DZANK1: variants seen among roughly 807,000 people sequenced by gnomAD.
DZANK1 encodes the protein double zinc ribbon and ankyrin repeat-containing protein 1.
In DZANK1, 91 loss-of-function variants were observed where a neutral mutation model predicts 94.5. The observed-to-expected ratio is 0.96, with a 90% confidence interval of 0.81 to 1.15. The LOEUF (loss-of-function observed/expected upper bound fraction) is 1.15. Ranked by LOEUF, DZANK1 falls within the 50% of genes most tolerant of loss-of-function variation. DZANK1 has a pLI of 0.00. For synonymous variants in DZANK1, 312 were observed against 325.3 expected, an observed-to-expected ratio of 0.96 and a Z score of 0.44; for missense variants, 903 against 916.4, an observed-to-expected ratio of 0.99 and a Z score of 0.19.
Position 18,412,499 on chromosome 20 carries a change from C to T in DZANK1, c.1432+147G>A, listed in dbSNP as rs142233081. On this transcript the variant is annotated intron_variant, in intron 13 of 20. Coordinates refer to ENST00000262547, the Ensembl canonical transcript of DZANK1. Reference sequence around the variant, plus strand: ...ACAGGAAGAGCTTCTTTTTCCAATACAAAGAAAATTACTTGAAAAAGAGGA... The same window carrying T: ...ACAGGAAGAGCTTCTTTTTCCAATATAAAGAAAATTACTTGAAAAAGAGGA... 1.6e-5 allele frequency: 14 copies of T among 852,890 alleles called. No individual in the cohort carries two copies. The East Asian group carries it at 3.2e-4, about 20-fold the overall frequency. 52.8% of individuals were successfully genotyped at this position (852,890 alleles called of 1,614,324 possible). A position where few individuals can be genotyped will look rare whatever the true frequency, so the allele number is the denominator to read the frequency against.
chr20:18,423,624 C>T (rs1364907694), intron 10 of DZANK1, among the ~76,000 whole-genome samples: 2 of 152,116 alleles, frequency 1.3e-5, no homozygotes, highest in African/African-American at 2.4e-5. Flanking sequence ...ACAGAGTGTG[C>T]TCTCTGACCA....
At chr20:18,404,130 T>G (rs2056833740) in intron 13 of DZANK1, among the ~76,000 whole-genome samples, 1 of 152,128 alleles carries the variant, frequency 6.6e-6, no homozygotes, top group South Asian at 2.1e-4. Flanking sequence ...TGAGATTTTT[T>G]TTTTTTTAGC....
At chr20:18,389,936 TA>T (rs1489012732) in intron 18 of DZANK1, 108 bp from the exon 19 acceptor site, 1 of 1,497,150 alleles carries the variant, frequency 6.7e-7, no homozygotes, top group African/African-American at 1.4e-5. Flanking sequence ...CTGATGCAAC[TA>T]AAGTGCTTTC....
At chr20:18,427,606 G>GGTGTGTGTGTGTGTGTGT (rs11474236) in intron 9 of DZANK1, among the ~76,000 whole-genome samples, 9 of 148,692 alleles carry the variant, frequency 6.1e-5, no homozygotes, top group Admixed American at 1.3e-4. Flanking sequence ...TGTAAGGTTG[G>GGTGTGTGTGTGTGTGTGT]GTGTGTGTGT....
intron 6 of DZANK1, among the ~76,000 whole-genome samples, chr20:18,450,059 T>G (rs937404849): frequency 4.6e-5 from 7 of 151,038 alleles, no homozygotes; most frequent in Admixed American, 3.3e-4. Flanking sequence ...GCCTGGGCAA[T>G]AGAGTGAAAC....
rs1015212903 is a variant in DZANK1 at position 18,393,691 on chromosome 20, G to A, written c.1809+20C>T. The A allele has an allele frequency of 1.3e-6, 2 of 1,510,018 alleles. No individual in the cohort carries two copies. The highest frequency in any genetic ancestry group is 1.2e-5 in the South Asian group (1 of 85,894). The allele number at this position is 1,510,018 out of a possible 1,614,324, so 93.5% of individuals were successfully genotyped here. On this transcript the variant is annotated intron_variant, in intron 17 of 20. Coordinates refer to ENST00000262547, the Ensembl canonical transcript of DZANK1. ...ACAGGCTGAAGACAACATCCACAAG[G>A]ACCAAAAAAAGACACTTACTATAAG...
intron 12 of DZANK1, chr20:18,413,293 A>G (rs2057341590): frequency 5.6e-6 from 1 of 178,934 alleles, no homozygotes. Flanking sequence ...TCAAAGTAGT[A>G]CCATTCATAT....
At chr20:18,462,716 C>T (rs2059511262) in intron 2 of DZANK1, among the ~76,000 whole-genome samples, 1 of 152,008 alleles carries the variant, frequency 6.6e-6, no homozygotes, top group Admixed American at 6.6e-5. Flanking sequence ...AGAGTTGAGG[C>T]CGGGCGCGGT....
chr20:18,435,047 G>C (rs1199256489), intron 8 of DZANK1, among the ~76,000 whole-genome samples: 1 of 152,142 alleles, frequency 6.6e-6, no homozygotes, highest in Non-Finnish European at 1.5e-5. Context: ...ACCAGAGTAG[G>C]CCCAAGCCAC....
At chr20:18,429,779 G>A (rs912904171) in intron 9 of DZANK1, among the ~76,000 whole-genome samples, 6 of 152,154 alleles carry the variant, frequency 3.9e-5, no homozygotes, top group Non-Finnish European at 7.4e-5. Context: ...TTTATTTGTG[G>A]AGACTTTTGA....
intron 6 of DZANK1, among the ~76,000 whole-genome samples, chr20:18,449,876 C>T (rs1169002800): frequency 1.3e-5 from 2 of 151,530 alleles, no homozygotes; most frequent in African/African-American, 2.4e-5. Flanking sequence ...GTCGGGAGTT[C>T]GAGACCAGCC....
At chr20:18,405,462 T>C (rs923265108) in intron 13 of DZANK1, among the ~76,000 whole-genome samples, 14 of 152,136 alleles carry the variant, frequency 9.2e-5, no homozygotes, top group African/African-American at 3.4e-4. Flanking sequence ...AAGAGACCCA[T>C]TGGAAGCTAT....
At chr20:18,434,493 C>T (rs905795194) in intron 8 of DZANK1, among the ~76,000 whole-genome samples, 2 of 144,220 alleles carry the variant, frequency 1.4e-5, no homozygotes, top group Non-Finnish European at 3.0e-5. Flanking sequence ...TGTAGTGAGC[C>T]GAGATCGCCT....
rs575720637 is a variant in DZANK1 at position 18,461,152 on chromosome 20, A to G, written c.110-846T>C. Among the ~76,000 whole-genome samples, 6 of 152,336 alleles carry G rather than the reference A, an allele frequency of 3.9e-5. No individual in the cohort carries two copies. In the East Asian group the frequency reaches 7.7e-4, roughly 20 times the overall value. On this transcript the variant is annotated intron_variant, in intron 2 of 20. Coordinates refer to ENST00000262547, the Ensembl canonical transcript of DZANK1. ...CCAACCCACGACACCAGCTTCCCAG[A>G]GGTTATCAATGGTATCTTCAGTAAC...
At chr20:18,449,695 T>C (rs2059022464) in intron 6 of DZANK1, among the ~76,000 whole-genome samples, 1 of 147,108 alleles carries the variant, frequency 6.8e-6, no homozygotes, top group Non-Finnish European at 1.5e-5. Flanking sequence ...GAGGTGGAAG[T>C]TGTGGTGAGC....
intron 2 of DZANK1, among the ~76,000 whole-genome samples, chr20:18,460,654 G>A (rs535805326): frequency 2.6e-5 from 4 of 152,138 alleles, no homozygotes; most frequent in African/African-American, 7.2e-5. Context: ...GCCAGAAACC[G>A]GGACGCAGAA....
chr20:18,389,159 G>C (rs890886029), intron 19 of DZANK1, among the ~76,000 whole-genome samples: 1 of 152,226 alleles, frequency 6.6e-6, no homozygotes, highest in Admixed American at 6.5e-5. Context: ...GACCAAGACT[G>C]GGAGGGTAAG....
chr20:18,464,616 T>C (rs1251456063), intron 2 of DZANK1, among the ~76,000 whole-genome samples: 1 of 151,874 alleles, frequency 6.6e-6, no homozygotes, highest in Non-Finnish European at 1.5e-5. Flanking sequence ...GTCAAATTTA[T>C]TATACCAGCT....
At chr20:18,452,813 C>G (rs16979192) in intron 5 of DZANK1, 74 bp from the exon 6 acceptor site, 1 of 1,419,232 alleles carries the variant, frequency 7.0e-7, no homozygotes, top group Non-Finnish European at 9.4e-7. Context: ...ATCTTCACAG[C>G]GGGAGACCTT....
Sources: gnomAD v4.1 joint callset for allele counts (sites outside exome capture counted in the v4.1 genomes callset) on GRCh38, gnomAD v4.1.1 for gene constraint, MANE v1.5 for transcripts, NCBI Gene and HGNC (gene_info 2026-07-23, HGNC 2026-07-21) for gene names.